Variants in NEGR1 observed in about 807,000 individuals in gnomAD.
NEGR1 encodes neuronal growth regulator 1, also known as IgLON family member 4.
NEGR1 carries 10 observed loss-of-function variants against 40.9 expected under a neutral mutation model. The observed-to-expected ratio is 0.24, with a 90% CI of 0.15 to 0.42. The LOEUF is 0.42. NEGR1 is among the 10% of genes least tolerant of loss of function. The pLI, the probability that NEGR1 is intolerant of heterozygous loss-of-function variation, is 1.00. For synonymous variants in NEGR1, 185 were observed against 166.8 expected (o/e 1.11, Z -0.84); for missense variants, 352 against 438.9 (o/e 0.80, Z 1.77).
intron 5 of NEGR1, among the ~76,000 whole-genome samples, chr1:71,599,854 A>C (rs1649855968): frequency 6.6e-6 from 1 of 152,226 alleles, no homozygotes; most frequent in Non-Finnish European, 1.5e-5. Context: ...TACGTTAAAT[A>C]AACAATGGCT....
chr1:71,857,746 T>A (rs1659826242), intron 2 of NEGR1, among the ~76,000 whole-genome samples: 1 of 151,898 alleles, frequency 6.6e-6, no homozygotes, highest in African/African-American at 2.4e-5. Context: ...ATGGTGCTTT[T>A]ATTATCTTTT....
chr1:71,778,301 T>C (rs886366297), intron 2 of NEGR1, among the ~76,000 whole-genome samples: 1 of 152,062 alleles, frequency 6.6e-6, no homozygotes, highest in Non-Finnish European at 1.5e-5. Flanking sequence ...AAAGCACATT[T>C]TGAGTACCCA....
intron 1 of NEGR1, among the ~76,000 whole-genome samples, chr1:72,192,124 T>C (rs985023948): frequency 6.6e-5 from 10 of 151,926 alleles, no homozygotes; most frequent in South Asian, 2.1e-4. Context: ...TTAAACCACA[T>C]GCTTGGGATA....
chr1:72,031,571 T>C (rs1646859071), intron 1 of NEGR1, among the ~76,000 whole-genome samples: 1 of 152,112 alleles, frequency 6.6e-6, no homozygotes, highest in African/African-American at 2.4e-5. Context: ...AGTAGCAAAA[T>C]AGGAGATACT....
intron 1 of NEGR1, among the ~76,000 whole-genome samples, chr1:72,033,558 CA>C (rs1414105122): frequency 2.0e-5 from 3 of 152,160 alleles, no homozygotes; most frequent in Admixed American, 6.6e-5. Flanking sequence ...CAAGTAAATT[CA>C]TGCACATTTT....
chr1:71,932,298 G>GT (rs375129438), intron 2 of NEGR1, among the ~76,000 whole-genome samples: 140 of 150,160 alleles, frequency 9.3e-4, no homozygotes, highest in South Asian at 4.0e-3. Flanking sequence ...TATTTGTTTT[G>GT]TTTTTTTTTG....
intron 2 of NEGR1, among the ~76,000 whole-genome samples, chr1:71,929,487 T>A (rs949066783): frequency 6.6e-5 from 10 of 152,164 alleles, no homozygotes; most frequent in African/African-American, 9.6e-5. Context: ...CCTCCACAGG[T>A]AAAAATAGAT....
intron 6 of NEGR1, among the ~76,000 whole-genome samples, chr1:71,510,544 G>A (rs1268394931): frequency 6.6e-6 from 1 of 152,136 alleles, no homozygotes; most frequent in Non-Finnish European, 1.5e-5. Context: ...ATGTAGAGGA[G>A]GGGTCAGCCC....
chr1:72,127,207 G>A (rs1477371860), intron 1 of NEGR1, among the ~76,000 whole-genome samples: 3 of 152,022 alleles, frequency 2.0e-5, no homozygotes, highest in Admixed American at 6.6e-5. Context: ...TAATCCGCCC[G>A]TAATCCCGGT....
chr1:71,989,780 C>A (rs1231348459), intron 1 of NEGR1, among the ~76,000 whole-genome samples: 3 of 152,070 alleles, frequency 2.0e-5, no homozygotes, highest in African/African-American at 7.2e-5. Context: ...ATAAATAAGA[C>A]ATCAGAGTCA....
chr1:71,540,306 C>A (rs1647648746), intron 6 of NEGR1, among the ~76,000 whole-genome samples: 1 of 151,770 alleles, frequency 6.6e-6, no homozygotes, highest in African/African-American at 2.4e-5. Context: ...CAACAAGAAT[C>A]CAACAGAAAC....
At chr1:71,533,510 T>C (rs1244383249) in intron 6 of NEGR1, among the ~76,000 whole-genome samples, 1 of 151,672 alleles carries the variant, frequency 6.6e-6, no homozygotes, top group Non-Finnish European at 1.5e-5. Flanking sequence ...CATATCCCTA[T>C]ACATCTCACA....
intron 4 of NEGR1, among the ~76,000 whole-genome samples, chr1:71,664,031 T>A (rs1472396622): frequency 6.6e-6 from 1 of 152,208 alleles, no homozygotes; most frequent in East Asian, 1.9e-4. Context: ...TAAGAGTTGG[T>A]TTTAGTTCAA....
At chr1:72,183,922 A>G (rs548750383) in intron 1 of NEGR1, among the ~76,000 whole-genome samples, 2 of 152,206 alleles carry the variant, frequency 1.3e-5, no homozygotes, top group Admixed American at 6.6e-5. Flanking sequence ...GTTGGAAGAG[A>G]GCATTCCAAA....
intron 1 of NEGR1, among the ~76,000 whole-genome samples, chr1:72,199,146 C>CAGAGAGAGAGAGAGAGAGAG (rs1339899074): frequency 1.4e-5 from 2 of 139,166 alleles, no homozygotes; most frequent in African/African-American, 5.6e-5. Flanking sequence ...TCTAGATAGA[C>CAGAGAGAGAGAGAGAGAGAG]AGACAGAGAG....
chr1:71,499,685 A>T (rs145880324), intron 6 of NEGR1, among the ~76,000 whole-genome samples: 24 of 152,050 alleles, frequency 1.6e-4, no homozygotes, highest in African/African-American at 5.5e-4. Flanking sequence ...ACACAGCCAC[A>T]TGATCCTTCT....
intron 2 of NEGR1, among the ~76,000 whole-genome samples, chr1:71,824,168 G>C (rs889048213): frequency 7.9e-5 from 12 of 151,996 alleles, no homozygotes; most frequent in African/African-American, 2.9e-4. Context: ...CTTGCACAGT[G>C]AGGCTAGTGA....
chr1:72,123,133 T>C (rs992502849), intron 1 of NEGR1, among the ~76,000 whole-genome samples: 5 of 152,074 alleles, frequency 3.3e-5, no homozygotes, highest in Admixed American at 1.3e-4. Flanking sequence ...TTTAGAATCA[T>C]AGACCCTCAG....
At position 72,037,633 on chromosome 1, in the gene NEGR1, A is replaced by T. The variant is rs141006616; in HGVS notation, c.177-102322T>A. Among the ~76,000 whole-genome samples the T allele has an allele frequency of 3.6e-3, 541 of 152,262 alleles. 8 individuals are homozygous for T. The highest frequency in any genetic ancestry group is 0.012 in the African/African-American group (517 of 41,570). On this transcript the variant is annotated intron_variant, in intron 1 of 6. Transcript: ENST00000357731. ...CATCATTAACATGTAGAGAGCAAAT[A>T]ACAGAATTAAATAATTTTATATTCA... is the stretch of plus-strand genomic sequence containing the variant.
Sources: allele counts gnomAD v4.1 joint callset (sites outside exome capture counted in the v4.1 genomes callset), GRCh38; gene constraint gnomAD v4.1.1; transcripts MANE v1.5; gene names NCBI Gene and HGNC (gene_info 2026-07-23, HGNC 2026-07-21).